PLXNB2: variants seen among roughly 807,000 people sequenced by gnomAD.
PLXNB2 encodes the protein plexin B2, also known as plexin-B2.
Under a neutral mutation model 202.6 loss-of-function variants are expected in PLXNB2, and 85 were observed. The ratio of observed to expected loss-of-function variants is 0.42; its 90% CI spans 0.35 to 0.50. The LOEUF is 0.50. Ranked by LOEUF, PLXNB2 falls within the 20% of genes least tolerant of loss-of-function variation. The probability of loss-of-function intolerance (pLI) is 0.02; values close to 1 mark genes in which losing one functional copy is unlikely to be tolerated. For synonymous variants in PLXNB2, 1,239 were observed against 1,137.6 expected (o/e 1.09, Z -1.79); for missense variants, 2,063 against 2,586.2 (o/e 0.80, Z 4.39).
At chr22:50,305,213 G>A (rs955335705) in intron 1 of PLXNB2, among the ~76,000 whole-genome samples, 4 of 152,196 alleles carry the variant, frequency 2.6e-5, no homozygotes, top group Non-Finnish European at 5.9e-5. Flanking sequence ...CGGTGAGCAC[G>A]GACGACGTCC....
rs745754194 is a variant in PLXNB2 at position 50,289,523 on chromosome 22, G to T, written c.1062C>A (p.His354Gln). ...AACACACTGAGGCCCATACCGGCGC[G>T]TGGCCGCCGCACTGGATATCGCCGT... is the stretch of plus-strand genomic sequence containing the variant. Reference protein sequence around the residue: ...PFHGDIQCGGHAPGSSKSFPC... With the variant: ...PFHGDIQCGGQAPGSSKSFPC... Residue 354 changes from histidine to glutamine, a missense_variant, in exon 3 of 37, where the codon CAC becomes CAA. Transcript: ENST00000359337. This position sits in a 1 kb window ranked among gnomAD's most constrained non-coding sequence, Gnocchi z 8.0. The T allele has an allele frequency of 6.2e-7, 1 of 1,608,444 alleles. No individual in the cohort carries two copies. The highest frequency in any genetic ancestry group is 1.1e-5 in the South Asian group (1 of 90,856).
chr22:50,282,439 G>A (rs955025373), intron 18 of PLXNB2, 126 bp from the exon 19 acceptor site: 11 of 1,006,214 alleles, frequency 1.1e-5, no homozygotes, highest in East Asian at 2.6e-5. Context: ...GGGTCTCGGT[G>A]GGCAAAGGGG....
intron 1 of PLXNB2, among the ~76,000 whole-genome samples, chr22:50,305,363 T>C (rs1042821644): frequency 2.6e-5 from 4 of 152,194 alleles, no homozygotes; most frequent in Admixed American, 2.6e-4. Flanking sequence ...TCCTCCCCGA[T>C]GTGGTCCCCA....
Position 50,288,811 on chromosome 22 carries a change from T to G in PLXNB2, c.1312A>C (p.Lys438Gln). 1.2e-6 allele frequency: 2 copies of G among 1,613,270 alleles called. No individual in the cohort carries two copies. The highest frequency in any genetic ancestry group is 1.1e-5 in the South Asian group (1 of 91,080). ...AGTACCAGGTCGCGCTTGACTCTCTTGTTTATCTCCACAAGGATAGAGTCG... is the reference window on the plus strand; with the variant it reads ...AGTACCAGGTCGCGCTTGACTCTCTGGTTTATCTCCACAAGGATAGAGTCG... ...EYDSILVEIN[K>Q]RVKRDLVLSG... The change falls in exon 5 of 37, where the codon AAG becomes CAG. Residue 438 changes from lysine to glutamine, a missense_variant. By Grantham distance (53) the Lys-to-Gln change is moderately conservative. Coordinates refer to ENST00000359337, the MANE Select transcript of PLXNB2 (RefSeq NM_012401.4). This position sits in a 1 kb window ranked among gnomAD's most constrained non-coding sequence, Gnocchi z 5.0.
intron 1 of PLXNB2, among the ~76,000 whole-genome samples, chr22:50,299,596 G>C (rs895075853): frequency 3.3e-5 from 5 of 152,338 alleles, no homozygotes; most frequent in Admixed American, 6.5e-5. Flanking sequence ...AAGCGCGAGG[G>C]GGGTGCCGCG....
Position 50,284,738 on chromosome 22 carries a change from C to T in PLXNB2, c.2089-73G>A. The T allele has an allele frequency of 8.9e-7, 1 of 1,129,110 alleles. No homozygotes were observed. Among genetic ancestry groups the T allele is most frequent in the Non-Finnish European group, 1.4e-6 (1 of 740,180 alleles). 69.9% of individuals were successfully genotyped at this position (1,129,110 alleles called of 1,614,324 possible). ...GGCCCTCCTCCCAGAACCCCTGCAG[C>T]CCCTCCTCTGTGCCTACAGTGTGGG... On this transcript the variant is annotated intron_variant, in intron 11 of 36. Coordinates refer to ENST00000359337, the MANE Select transcript of PLXNB2 (RefSeq NM_012401.4). This position sits in a 1 kb window ranked among gnomAD's most constrained non-coding sequence, Gnocchi z 8.0.
chr22:50,276,148 G>A (rs2065543232), intron 35 of PLXNB2, among the ~76,000 whole-genome samples, 185 bp from the exon 36 acceptor site: 1 of 152,144 alleles, frequency 6.6e-6, no homozygotes, highest in Non-Finnish European at 1.5e-5. Flanking sequence ...GCAGAGTTGT[G>A]CACATCCAAC....
intron 20 of PLXNB2, 51 bp downstream of exon 20, chr22:50,281,803 T>G: frequency 6.3e-7 from 1 of 1,580,916 alleles, no homozygotes; most frequent in Non-Finnish European, 8.6e-7. Context: ...GGACCAGCTC[T>G]CAGCCCAGAC....
At chr22:50,279,609 G>A (rs1293361935) in intron 27 of PLXNB2, 21 bp downstream of exon 27, 6 of 1,611,584 alleles carry the variant, frequency 3.7e-6, no homozygotes, top group South Asian at 3.3e-5. Context: ...GCCCATGGCG[G>A]CCCCCACCCC....
chr22:50,283,250 G>T (rs1483659427), intron 16 of PLXNB2, 64 bp from the exon 17 acceptor site: 13 of 1,604,804 alleles, frequency 8.1e-6, no homozygotes, highest in Non-Finnish European at 1.0e-5. Flanking sequence ...TCCTGGGCTG[G>T]ATGGTAACTG....
chr22:50,288,884 G>C lies in PLXNB2; in HGVS notation c.1252-13C>G. The C allele has an allele frequency of 6.2e-7, 1 of 1,613,132 alleles. No individual in the cohort carries two copies. On this transcript the variant is annotated splice_polypyrimidine_tract_variant and intron_variant, in intron 4 of 36. Coordinates refer to ENST00000359337, the MANE Select transcript of PLXNB2 (RefSeq NM_012401.4). The surrounding 1 kb of genome is among the most constrained non-coding windows in gnomAD (Gnocchi z 5.0). ...GGGTGAGGTACACCTGTGTGCGCGA[G>C]GGCAGGCCGGTGAGGGTACGGGCCT...
At chr22:50,295,281 A>G (rs1055816148) in intron 1 of PLXNB2, among the ~76,000 whole-genome samples, 1 of 147,496 alleles carries the variant, frequency 6.8e-6, no homozygotes, top group African/African-American at 2.5e-5. Flanking sequence ...AGATCGCACC[A>G]CTACACTCCA....
chr22:50,280,073 T>C lies in PLXNB2; in HGVS notation c.4176-2A>G. 6.2e-7 allele frequency: 1 copy of C among 1,603,578 alleles called. No homozygotes were observed. The highest frequency in any genetic ancestry group is 8.5e-7 in the Non-Finnish European group (1 of 1,175,114). ...ATCCTCTCCACCACAGTCTCAGACC[T>C]GGGGGTGCAGGGAGGCCTTGTACCG... On this transcript the variant is annotated splice_acceptor_variant, in intron 25 of 36. Transcript: ENST00000359337. LOFTEE classifies it high-confidence loss of function.
At chr22:50,277,484 G>T in intron 33 of PLXNB2, 107 bp downstream of exon 33, 1 of 1,193,848 alleles carries the variant, frequency 8.4e-7, no homozygotes, top group African/African-American at 1.5e-5. Context: ...AAGGGCTCCA[G>T]CCCAAGATAT....
In PLXNB2 at chr22:50,284,355, C is replaced by T. The variant is rs939892158; in HGVS notation, c.2182-142G>A. On this transcript the variant is annotated intron_variant, in intron 12 of 36. Transcript: ENST00000359337. This position sits in a 1 kb window ranked among gnomAD's most constrained non-coding sequence, Gnocchi z 8.0. ...GGGAGGCCTTCAGGTGTCGGAAGTTCGGGAACCCCATGGACGCTGCTCTGT... is the reference window on the plus strand; with the variant it reads ...GGGAGGCCTTCAGGTGTCGGAAGTTTGGGAACCCCATGGACGCTGCTCTGT... The T allele has an allele frequency of 2.9e-5, 24 of 838,412 alleles. No homozygotes were observed. The highest frequency in any genetic ancestry group is 6.7e-5 in the African/African-American group (4 of 60,028). 51.9% of individuals were successfully genotyped at this position (838,412 alleles called of 1,614,324 possible). A position where few individuals can be genotyped will look rare whatever the true frequency, so the allele number is the denominator to read the frequency against.
In PLXNB2 at chr22:50,275,437, G is replaced by C. The variant is rs1042979; in HGVS notation, c.*267C>G. 0.98 allele frequency: 574,517 copies of C among 583,500 alleles called. 282,868 individuals carry two copies. The highest frequency in any genetic ancestry group is 1 in the East Asian group (26,656 of 26,658). The allele number at this position is 583,500 out of a possible 1,614,324, so 36.1% of individuals were successfully genotyped here. On this transcript the variant is annotated 3_prime_UTR_variant, in exon 37 of 37. Coordinates refer to ENST00000359337, the MANE Select transcript of PLXNB2 (RefSeq NM_012401.4). ...GCGTAAGGCACATTTTCAAATCACT[G>C]GAGACTCGACAGTGAACACCCGATG...
At chr22:50,300,368 T>C in intron 1 of PLXNB2, 1 of 973,848 alleles carries the variant, frequency 1.0e-6, no homozygotes, top group Non-Finnish European at 1.2e-6. Context: ...GCCCCGCCGA[T>C]GGTGGCTCCG....
At position 50,283,908 on chromosome 22, in the gene PLXNB2, G is replaced by C; in HGVS notation, c.2346C>G (p.Cys782Trp). The C allele has an allele frequency of 2.5e-6, 4 of 1,581,568 alleles. No homozygotes were observed. Among genetic ancestry groups the C allele is most frequent in the Admixed American group, 1.8e-5 (1 of 54,940 alleles). Reference sequence around the variant, plus strand: ...CATACACGCACCTGCTCTGGCCCCCGCACCACGCACACCTGTAGTCGGGGT... The same window carrying C: ...CATACACGCACCTGCTCTGGCCCCCCCACCACGCACACCTGTAGTCGGGGT... ...AANPDYRCAW[C>W]GGQSRCVYEA... The change falls in exon 14 of 37, where the codon TGC becomes TGG. Residue 782 changes from cysteine to tryptophan, a missense_variant. By Grantham distance (215) the Cys-to-Trp change is radical. Transcript: ENST00000359337.
At position 50,287,558 on chromosome 22, in the gene PLXNB2, G is replaced by A. The variant is rs369658690; in HGVS notation, c.1608+109C>T. On this transcript the variant is annotated intron_variant, in intron 7 of 36. Transcript: ENST00000359337. ...AGGCTCGGTGCCCAGAGCCCAGGCG[G>A]GGGAGATGTGGAGCCCTCCCCTGCC... is the stretch of plus-strand genomic sequence containing the variant. The A allele has an allele frequency of 3.7e-4, 426 of 1,140,526 alleles. 2 individuals carry two copies. In the African/African-American group the frequency reaches 6.1e-3, roughly 16 times the overall value. 70.7% of individuals were successfully genotyped at this position (1,140,526 alleles called of 1,614,324 possible).
Sources: allele counts gnomAD v4.1 joint callset (sites outside exome capture counted in the v4.1 genomes callset), GRCh38; gene constraint gnomAD v4.1.1; non-coding constraint Gnocchi (gnomAD v3.1); transcripts MANE v1.5; gene names NCBI Gene and HGNC (gene_info 2026-07-23, HGNC 2026-07-21).